Variants in DNAH5 observed in about 807,000 individuals in gnomAD.
DNAH5 encodes the protein axonemal beta dynein heavy chain 5.
DNAH5 carries 372 observed loss-of-function variants against 518.2 expected under a neutral mutation model. That is an observed-to-expected ratio of 0.72 (90% confidence interval 0.66 to 0.78). The LOEUF (loss-of-function observed/expected upper bound fraction) is 0.78, where lower values mean the gene tolerates loss of function less well. Ranked by LOEUF, DNAH5 falls within the 30% of genes least tolerant of loss-of-function variation. DNAH5 has a pLI of 0.00. For synonymous variants in DNAH5, 2,039 were observed against 2,025.9 expected (o/e 1.01, Z -0.17); for missense variants, 5,523 against 5,687.0 (o/e 0.97, Z 0.93).
chr5:13,864,728 A>C, intron 27 of DNAH5, 91 bp from the exon 28 acceptor site: 51 of 1,387,664 alleles, frequency 3.7e-5, no homozygotes, highest in Non-Finnish European at 5.1e-5. Flanking sequence ...TATTAAAAAC[A>C]GTCTCTTTGA....
intron 1 of DNAH5, among the ~76,000 whole-genome samples, chr5:13,935,658 C>A (rs892666584): frequency 2.0e-5 from 3 of 152,108 alleles, no homozygotes; most frequent in African/African-American, 7.2e-5. Flanking sequence ...TTTTTAACTA[C>A]CATAAAAAAG....
chr5:13,914,634 A>C lies in DNAH5; in HGVS notation c.1206T>G (p.Asn402Lys), dbSNP rs140782270. The C allele has an allele frequency of 6.2e-6, 10 of 1,612,864 alleles. No individual in the cohort carries two copies. The highest frequency in any genetic ancestry group is 6.8e-6 in the Non-Finnish European group (8 of 1,179,070). Reference protein sequence around the residue: ...KITSLFVKVTNQIISACKAYI... With the variant: ...KITSLFVKVTKQIISACKAYI... ...AGGCTTTACATGCAGATATAATCTG[A>C]TTTGTCACCTGGGATTTTCCAATAA... The change falls in exon 10 of 79, where the codon AAT becomes AAG. Residue 402 changes from asparagine (N) to lysine (K), a missense_variant. Asn to Lys is a moderately conservative substitution (Grantham distance 94). Coordinates refer to ENST00000265104, the MANE Select transcript of DNAH5 (RefSeq NM_001369.3).
intron 47 of DNAH5, among the ~76,000 whole-genome samples, chr5:13,802,046 G>A (rs1240726881): frequency 6.6e-6 from 1 of 151,876 alleles, no homozygotes; most frequent in African/African-American, 2.4e-5. Context: ...TGTCACTTCT[G>A]TCAATCCAGT....
rs1167618484 is a variant in DNAH5, at chr5:13,842,494, G to GA, written c.5272-591dup. ...AAGAAAGAAAGAAAGAGAAAGAAAA[G>GA]AAAGAAAGAAAGAAAAAGAAAGAAA... On this transcript the variant is annotated intron_variant, in intron 32 of 78. Coordinates refer to ENST00000265104, the MANE Select transcript of DNAH5 (RefSeq NM_001369.3). 2.4e-5 allele frequency among the ~76,000 whole-genome samples: 3 copies of GA among 122,996 alleles called. 1 individual carries two copies. Among genetic ancestry groups the GA allele is most frequent in the Non-Finnish European group, 5.1e-5 (3 of 58,550 alleles). The allele number at this position is 122,996 out of a possible 152,430, so 80.7% of individuals were successfully genotyped here.
chr5:13,765,287 T>C (rs1445070555), intron 59 of DNAH5, among the ~76,000 whole-genome samples: 1 of 152,146 alleles, frequency 6.6e-6, no homozygotes, highest in African/African-American at 2.4e-5. Context: ...ATTTATATAC[T>C]GGCAAACTAT....
intron 31 of DNAH5, among the ~76,000 whole-genome samples, chr5:13,847,427 A>G (rs1307806701): frequency 6.6e-6 from 1 of 151,616 alleles, no homozygotes; most frequent in Non-Finnish European, 1.5e-5. Flanking sequence ...AGAAAGAATA[A>G]AAAAAAAGAA....
chr5:13,719,198 G>A, intron 71 of DNAH5, 97 bp from the exon 72 acceptor site: 2 of 971,066 alleles, frequency 2.1e-6, no homozygotes, highest in Non-Finnish European at 3.2e-6. Context: ...AAATTTAATA[G>A]GAAAACACTA....
chr5:13,788,296 A>G (rs1251632093), intron 51 of DNAH5, among the ~76,000 whole-genome samples: 1 of 152,204 alleles, frequency 6.6e-6, no homozygotes, highest in Non-Finnish European at 1.5e-5. Context: ...CATTCTACAG[A>G]TAACATTTCA....
intron 65 of DNAH5, 65 bp from the exon 66 acceptor site, chr5:13,737,560 C>A: frequency 2.0e-6 from 3 of 1,530,132 alleles, no homozygotes; most frequent in South Asian, 2.3e-5. Flanking sequence ...TTCCTTAAGA[C>A]GTTAACCTAC....
chr5:13,816,097 C>T (rs181240951), intron 42 of DNAH5, among the ~76,000 whole-genome samples: 3 of 152,218 alleles, frequency 2.0e-5, no homozygotes, highest in Admixed American at 1.3e-4. Flanking sequence ...TCAACTGTGC[C>T]GAATGCTCCT....
intron 1 of DNAH5, among the ~76,000 whole-genome samples, chr5:13,993,153 G>A (rs376664871): frequency 2.6e-5 from 4 of 152,178 alleles, no homozygotes; most frequent in Admixed American, 6.5e-5. Context: ...GCCCGTCTAC[G>A]CATGCTTAGC....
At position 13,740,998 on chromosome 5, in the gene DNAH5, G is replaced by A. The variant is rs533797110; in HGVS notation, c.11212-3503C>T. On this transcript the variant is annotated intron_variant, in intron 65 of 78. Transcript: ENST00000265104. The stretch of plus-strand genomic sequence containing the variant: ...AAATTAGTGAAACAAAGCCTGGTAC[G>A]TAGTAGGCACTCCATTAACACTGCA... 1.1e-4 allele frequency among the ~76,000 whole-genome samples: 16 copies of A among 152,306 alleles called. No individual in the cohort carries two copies. The South Asian group carries it at 2.1e-3, about 20-fold the overall frequency.
At chr5:13,859,342 A>T in intron 30 of DNAH5, 110 bp downstream of exon 30, 2 of 1,183,908 alleles carry the variant, frequency 1.7e-6, no homozygotes, top group Non-Finnish European at 2.5e-6. Flanking sequence ...AAAAAGATTG[A>T]AGGAAGGGGG....
chr5:13,710,186 C>G (rs1743306729), intron 75 of DNAH5, among the ~76,000 whole-genome samples: 1 of 152,102 alleles, frequency 6.6e-6, no homozygotes, highest in African/African-American at 2.4e-5. Context: ...GGTAGACTTG[C>G]TGGGTGGCTA....
At position 13,769,413 on chromosome 5, in the gene DNAH5, G is replaced by A. The variant is rs1752998319; in HGVS notation, c.9720+88C>T. On this transcript the variant is annotated intron_variant, in intron 57 of 78. Transcript: ENST00000265104. Reference sequence around the variant, plus strand: ...ATGGAAGTTAATGTATACTTCACTAGTTATAGCCAGTGAATATGCATAGAT... The same window carrying A: ...ATGGAAGTTAATGTATACTTCACTAATTATAGCCAGTGAATATGCATAGAT... 5.5e-6 allele frequency: 6 copies of A among 1,091,708 alleles called. No homozygotes were observed. The East Asian group carries it at 1.4e-4, about 26-fold the overall frequency. The allele number at this position is 1,091,708 out of a possible 1,614,324, so 67.6% of individuals were successfully genotyped here. A position where few individuals can be genotyped will look rare whatever the true frequency, so the allele number is the denominator to read the frequency against.
intron 47 of DNAH5, among the ~76,000 whole-genome samples, chr5:13,803,967 T>C (rs935157994): frequency 2.1e-4 from 32 of 152,368 alleles, no homozygotes; most frequent in African/African-American, 7.5e-4. Context: ...ATGGTAGCTA[T>C]ATTCAAAAAA....
chr5:13,824,608 T>C (rs1002571937), intron 38 of DNAH5, among the ~76,000 whole-genome samples: 1 of 152,216 alleles, frequency 6.6e-6, no homozygotes, highest in Admixed American at 6.5e-5. Flanking sequence ...AATAAATTTC[T>C]TCTTGGAATA....
At chr5:13,932,184 T>A (rs976842505) in intron 1 of DNAH5, 1 of 152,190 alleles carries the variant, frequency 6.6e-6, no homozygotes, top group Non-Finnish European at 1.5e-5. Flanking sequence ...TCAAAAAAGC[T>A]CATGGCCTGG....
intron 24 of DNAH5, among the ~76,000 whole-genome samples, chr5:13,869,875 A>C (rs1769823072): frequency 6.6e-6 from 1 of 152,160 alleles, no homozygotes; most frequent in Non-Finnish European, 1.5e-5. Context: ...GTGGCCTAAC[A>C]TGAGATTTCT....
Sources: gnomAD v4.1 joint callset for allele counts (sites outside exome capture counted in the v4.1 genomes callset) on GRCh38, gnomAD v4.1.1 for gene constraint, MANE v1.5 for transcripts, NCBI Gene and HGNC (gene_info 2026-07-23, HGNC 2026-07-21) for gene names.